The following CATSPERE variants were observed in gnomAD, a reference collection of about 807,000 sequenced individuals.
CATSPERE encodes catsper channel auxiliary subunit epsilon.
In CATSPERE, 93 loss-of-function variants were observed where a neutral mutation model predicts 114.1. The observed-to-expected ratio is 0.81, with a 90% CI of 0.69 to 0.97. The LOEUF (loss-of-function observed/expected upper bound fraction) is 0.97. Ranked by LOEUF, CATSPERE falls within the 50% of genes least tolerant of loss-of-function variation. CATSPERE has a pLI of 0.00. For synonymous variants in CATSPERE, 341 were observed against 384.1 expected, an observed-to-expected ratio of 0.89 and a Z score of 1.31; for missense variants, 1,058 against 1,131.6, an observed-to-expected ratio of 0.93 and a Z score of 0.93.
intron 20 of CATSPERE, among the ~76,000 whole-genome samples, chr1:244,620,075 A>G (rs750416571): frequency 6.6e-6 from 1 of 152,254 alleles, no homozygotes; most frequent in Non-Finnish European, 1.5e-5. Context: ...TCCAGGAATT[A>G]GGACCTAAAG....
chr1:244,536,798 T>C lies in CATSPERE; in HGVS notation c.537-15524T>C, dbSNP rs566734995. Among the ~76,000 whole-genome samples, 34 of 152,354 alleles carry C rather than the reference T, an allele frequency of 2.2e-4. No individual in the cohort carries two copies. In the South Asian group the frequency reaches 4.8e-3, roughly 21 times the overall value. ...ATAGTTGTTAAATTTCATGTTCCTATGGAGAAGAAGATTGGTGGAGGCTTC... is the reference window on the plus strand; with the variant it reads ...ATAGTTGTTAAATTTCATGTTCCTACGGAGAAGAAGATTGGTGGAGGCTTC... On this transcript the variant is annotated intron_variant, in intron 8 of 21. Coordinates refer to ENST00000366534, the MANE Select transcript of CATSPERE (RefSeq NM_001130957.2).
chr1:244,471,964 T>G (rs1447131019), intron 2 of CATSPERE, among the ~76,000 whole-genome samples: 1 of 152,188 alleles, frequency 6.6e-6, no homozygotes, highest in East Asian at 1.9e-4. Flanking sequence ...TTTCTTCTTT[T>G]TCTTTTCTTT....
chr1:244,455,358 T>A (rs1203850667), intron 1 of CATSPERE, among the ~76,000 whole-genome samples: 1 of 152,212 alleles, frequency 6.6e-6, no homozygotes, highest in African/African-American at 2.4e-5. Context: ...AAAAACTGCT[T>A]ACCATCTCTT....
At chr1:244,605,036 C>T (rs1289520094) in intron 17 of CATSPERE, among the ~76,000 whole-genome samples, 1 of 152,134 alleles carries the variant, frequency 6.6e-6, no homozygotes, top group Non-Finnish European at 1.5e-5. Flanking sequence ...ATCCAGGGAG[C>T]GTACAGGCTA....
intron 8 of CATSPERE, among the ~76,000 whole-genome samples, chr1:244,522,133 G>A (rs867909402): frequency 6.6e-6 from 1 of 152,134 alleles, no homozygotes; most frequent in East Asian, 1.9e-4. Context: ...ATAACAAACT[G>A]TCTCTCAGAC....
intron 2 of CATSPERE, among the ~76,000 whole-genome samples, chr1:244,475,538 T>A (rs975231175): frequency 1.1e-4 from 6 of 53,468 alleles, no homozygotes; most frequent in African/African-American, 3.6e-4. Context: ...CTGGCCACAA[T>A]TTTTTTTTTT....
chr1:244,531,394 A>G (rs570446460), intron 8 of CATSPERE, among the ~76,000 whole-genome samples: 39 of 152,206 alleles, frequency 2.6e-4, no homozygotes, highest in Middle Eastern at 3.4e-3. Context: ...AAGTGGATAT[A>G]CTTGTGTTCC....
At chr1:244,629,296 C>T (rs1365579230) in intron 20 of CATSPERE, among the ~76,000 whole-genome samples, 1 of 152,092 alleles carries the variant, frequency 6.6e-6, no homozygotes, top group African/African-American at 2.4e-5. Context: ...CACCCTGGAC[C>T]TCATTCTGGC....
In CATSPERE at chr1:244,535,247, C is replaced by T. The variant is rs563160096; in HGVS notation, c.536+16549C>T. 9.9e-5 allele frequency among the ~76,000 whole-genome samples: 15 copies of T among 152,214 alleles called. 1 individual carries two copies. The highest frequency in any genetic ancestry group is 2.2e-4 in the African/African-American group (9 of 41,530). ...ATAGCACTGGATCTCACCCAAGGCC[C>T]GCTGTAACCTGGCTACCACCTATGT... On this transcript the variant is annotated intron_variant, in intron 8 of 21. Transcript: ENST00000366534.
At chr1:244,459,284 G>A (rs1156920248), upstream of CATSPERE, among the ~76,000 whole-genome samples, 5 of 151,998 alleles carry the variant, frequency 3.3e-5, no homozygotes, top group Non-Finnish European at 7.4e-5. Context: ...TCACCTTGTT[G>A]GCCAGGACAG....
At chr1:244,497,966 G>A (rs1673389420) in intron 6 of CATSPERE, among the ~76,000 whole-genome samples, 1 of 151,996 alleles carries the variant, frequency 6.6e-6, no homozygotes, top group Non-Finnish European at 1.5e-5. Context: ...CTGCTGCAGA[G>A]AGCAGTTTAT....
At chr1:244,465,081 G>A (rs1320623362) in intron 2 of CATSPERE, among the ~76,000 whole-genome samples, 2 of 151,284 alleles carry the variant, frequency 1.3e-5, no homozygotes, top group African/African-American at 4.9e-5. Flanking sequence ...TGTCACCCAG[G>A]CTGGAGTGCA....
intron 8 of CATSPERE, among the ~76,000 whole-genome samples, chr1:244,522,641 G>T (rs1677783520): frequency 6.6e-6 from 1 of 152,064 alleles, no homozygotes; most frequent in South Asian, 2.1e-4. Context: ...AATAAAAAAT[G>T]ATAAAGGGGA....
intron 21 of CATSPERE, among the ~76,000 whole-genome samples, chr1:244,637,435 A>G (rs931378074): frequency 1.3e-5 from 2 of 152,072 alleles, no homozygotes; most frequent in Non-Finnish European, 2.9e-5. Flanking sequence ...CCACTCCCAT[A>G]GTTACACCTT....
chr1:244,597,790 T>C (rs1256982946), intron 17 of CATSPERE, among the ~76,000 whole-genome samples: 3 of 152,214 alleles, frequency 2.0e-5, no homozygotes, highest in African/African-American at 7.2e-5. Flanking sequence ...CTTGCTACTA[T>C]TTCTTGTCAC....
chr1:244,548,311 A>G (rs1321576046), intron 8 of CATSPERE, among the ~76,000 whole-genome samples: 1 of 152,212 alleles, frequency 6.6e-6, no homozygotes. Context: ...GCTCAGCAAC[A>G]TGGACTTCCA....
At position 244,637,940 on chromosome 1, in the gene CATSPERE, C is replaced by T. The variant is rs116818753; in HGVS notation, c.2703-1988C>T. 8.3e-3 allele frequency among the ~76,000 whole-genome samples: 1,265 copies of T among 152,284 alleles called. 7 individuals are homozygous for T. Among genetic ancestry groups the T allele is most frequent in the Non-Finnish European group, 0.014 (948 of 68,010 alleles). ...ATCTACATCCATCCTCTCCTCTTTC[C>T]GTCCTGTTACAACAAAGGCAATATT... is the stretch of plus-strand genomic sequence containing the variant. On this transcript the variant is annotated intron_variant, in intron 21 of 21. Coordinates refer to ENST00000366534, the MANE Select transcript of CATSPERE (RefSeq NM_001130957.2).
Position 244,635,553 on chromosome 1 carries a change from G to A in CATSPERE, c.2702+11G>A. 1 of 1,601,822 alleles carries A rather than the reference G, an allele frequency of 6.2e-7. No individual in the cohort carries two copies. The highest frequency in any genetic ancestry group is 1.7e-4 in the Middle Eastern group (1 of 6,038). On this transcript the variant is annotated intron_variant, in intron 21 of 21. Transcript: ENST00000366534. ...TGGACTGATTCCCAGGTAAGGAGCA[G>A]GGCCTAACTGGACTTTAATTAGGGA...
chr1:244,561,673 A>C (rs12408970), intron 10 of CATSPERE, among the ~76,000 whole-genome samples: 30 of 151,180 alleles, frequency 2.0e-4, no homozygotes, highest in Non-Finnish European at 3.5e-4. Context: ...TGATAAGAAG[A>C]CAAAGTTAGA....
Sources: allele counts gnomAD v4.1 joint callset (sites outside exome capture counted in the v4.1 genomes callset), GRCh38; gene constraint gnomAD v4.1.1; transcripts MANE v1.5; gene names NCBI Gene and HGNC (gene_info 2026-07-23, HGNC 2026-07-21).